Variants in PTPRS observed in about 807,000 individuals in gnomAD.
PTPRS encodes the protein receptor-type tyrosine-protein phosphatase S.
PTPRS carries 63 observed loss-of-function variants against 215.3 expected under a neutral mutation model. The ratio of observed to expected loss-of-function variants is 0.29; its 90% CI spans 0.24 to 0.36. PTPRS has a LOEUF of 0.36. Among genes scored for constraint, PTPRS ranks in the 10% least tolerant of loss-of-function variants. PTPRS has a pLI of 1.00. For synonymous variants in PTPRS, 1,404 were observed against 1,191.4 expected (o/e 1.18, Z -3.68); for missense variants, 2,258 against 2,825.8 (o/e 0.80, Z 4.56).
In PTPRS at chr19:5,339,740, G is replaced by A. The variant is rs1308553940; in HGVS notation, c.-95+924C>T. On this transcript the variant is annotated intron_variant, in intron 1 of 37. Coordinates refer to ENST00000262963, the MANE Select transcript of PTPRS (RefSeq NM_002850.4). The surrounding 1 kb of genome is among the most constrained non-coding windows in gnomAD (Gnocchi z 4.2). Reference sequence around the variant, plus strand: ...ACCCAGTGCCGACGGCCCCGCCCCCGGTATGACGTCACCTCCCCTCCCCCC... The same window carrying A: ...ACCCAGTGCCGACGGCCCCGCCCCCAGTATGACGTCACCTCCCCTCCCCCC... Among the ~76,000 whole-genome samples the A allele has an allele frequency of 6.6e-6, 1 of 151,768 alleles. No homozygotes were observed.
chr19:5,299,334 C>T (rs927966374), intron 1 of PTPRS, among the ~76,000 whole-genome samples: 8 of 152,244 alleles, frequency 5.3e-5, no homozygotes, highest in Non-Finnish European at 8.8e-5. Flanking sequence ...TCCTCCAGCA[C>T]CCCAAGTGCA....
At chr19:5,284,408 TAAATAAATAAAA>T in intron 2 of PTPRS, among the ~76,000 whole-genome samples, 1 of 132,586 alleles carries the variant, frequency 7.5e-6, no homozygotes, top group South Asian at 2.3e-4. Flanking sequence ...AATAAATAAA[TAAATAAATAAAA>T]ATTAGCCAGG....
chr19:5,285,452 G>A (rs185869870), intron 2 of PTPRS, among the ~76,000 whole-genome samples: 3 of 152,292 alleles, frequency 2.0e-5, no homozygotes, highest in East Asian at 1.9e-4. Context: ...AGGCCTTCCC[G>A]GGTGCTGTCA....
chr19:5,282,749 A>T (rs2047967279), intron 2 of PTPRS, among the ~76,000 whole-genome samples: 1 of 150,700 alleles, frequency 6.6e-6, no homozygotes, highest in Non-Finnish European at 1.5e-5. Context: ...CTGCAGTGGG[A>T]GCCGAGATCG....
rs974581966 is a variant in PTPRS, at chr19:5,260,561, G to C, written c.595+244C>G. On this transcript the variant is annotated intron_variant, in intron 7 of 37. Transcript: ENST00000262963. The stretch of plus-strand genomic sequence containing the variant: ...CTTGCCAGGTAGGGTCCTTCCCAGA[G>C]GGGGAGAGAGCGCCCCCGCCTTCCA... Among the ~76,000 whole-genome samples the C allele has an allele frequency of 2.6e-5, 4 of 152,236 alleles. No individual in the cohort carries two copies. In the South Asian group the frequency reaches 6.2e-4, roughly 24 times the overall value.
chr19:5,314,166 C>G (rs1293543435), intron 1 of PTPRS, among the ~76,000 whole-genome samples: 13 of 152,092 alleles, frequency 8.5e-5, no homozygotes, highest in Non-Finnish European at 1.5e-5. Flanking sequence ...ACAGCTTCAG[C>G]TGAGTTCAGT....
Position 5,214,445 on chromosome 19 carries a change from C to T in PTPRS, c.4530G>A (p.Thr1510=), listed in dbSNP as rs375341025. The change falls in exon 30 of 38, where the codon ACG becomes ACA. Residue 1510 remains threonine, a synonymous_variant. Coordinates refer to ENST00000262963, the MANE Select transcript of PTPRS (RefSeq NM_002850.4). ...KCDQYWPNRG[T]ETYGFIQVTL... ...TGACCTGGATGAAGCCGTAGGTCTC[C>T]GTGCCTCTGTTGGGCCAATACTGAT... 1.5e-5 allele frequency: 24 copies of T among 1,614,014 alleles called. No individual in the cohort carries two copies. The highest frequency in any genetic ancestry group is 6.7e-5 in the African/African-American group (5 of 74,946).
Position 5,221,168 on chromosome 19 carries a change from T to C in PTPRS, c.3287A>G (p.Asn1096Ser), listed in dbSNP as rs202061843. The C allele has an allele frequency of 9.3e-6, 15 of 1,613,552 alleles. No homozygotes were observed. Among genetic ancestry groups the C allele is most frequent in the Non-Finnish European group, 2.5e-6 (3 of 1,179,930 alleles). The change falls in exon 20 of 38, where the codon AAC becomes AGC. Residue 1096 changes from asparagine (N) to serine (S), a missense_variant. Asn to Ser is a conservative substitution (Grantham distance 46, BLOSUM62 1). Around this residue, in one of 6 missense-constraint regions of PTPRS, gnomAD observed 927 missense variants for 1,125.9 expected, o/e 0.82. Transcript: ENST00000262963. ...GCTGCCGCGATTGGTCAGCACAAAG[T>C]TGTAGAAGGTGTGGGGCTTGAGGTG... is the stretch of plus-strand genomic sequence containing the variant. Reference protein sequence around the residue: ...ITHLKPHTFYNFVLTNRGSSL... With the variant: ...ITHLKPHTFYSFVLTNRGSSL...
At chr19:5,262,069 T>C (rs1460992655) in intron 6 of PTPRS, among the ~76,000 whole-genome samples, 1 of 152,082 alleles carries the variant, frequency 6.6e-6, no homozygotes, top group Non-Finnish European at 1.5e-5. Context: ...GGTCAGGAGT[T>C]TGGGGTACCA....
chr19:5,220,816 A>T (rs2041915574), intron 20 of PTPRS, among the ~76,000 whole-genome samples, 184 bp downstream of exon 20: 1 of 152,180 alleles, frequency 6.6e-6, no homozygotes, highest in South Asian at 2.1e-4. Flanking sequence ...CAGACACAGG[A>T]CACATTTAGT....
chr19:5,212,280 G>C lies in PTPRS; in HGVS notation c.4770-30C>G, dbSNP rs202035346. The C allele has an allele frequency of 3.1e-6, 5 of 1,608,634 alleles. No individual in the cohort carries two copies. In the African/African-American group the frequency reaches 5.3e-5, roughly 17 times the overall value. On this transcript the variant is annotated intron_variant, in intron 31 of 37. Transcript: ENST00000262963. ...AGGGACAGCCACGTGGCGTTCAGGG[G>C]CTGCTGGGCTGCGGGGACCGGGGGG...
rs758182581 is a variant in PTPRS at position 5,208,088 on chromosome 19, AGGGGCAGGTGCT to A, written c.5643-43_5643-32del. On this transcript the variant is annotated intron_variant, in intron 36 of 37. Transcript: ENST00000262963. ...GGCAGTAAAGTGAGCACAGCCATTC[AGGGGCAGGTGCT>A]GGGGAGCCCTGATCTGACCACCCGA... The A allele has an allele frequency of 1.9e-6, 3 of 1,602,626 alleles. No homozygotes were observed. The South Asian group carries it at 3.3e-5, about 18-fold the overall frequency.
At chr19:5,247,441 C>T (rs998748083) in intron 9 of PTPRS, among the ~76,000 whole-genome samples, 4 of 152,004 alleles carry the variant, frequency 2.6e-5, no homozygotes, top group African/African-American at 4.8e-5. Flanking sequence ...TGCTGGCCCA[C>T]GGGGGCTGTT....
intron 9 of PTPRS, among the ~76,000 whole-genome samples, chr19:5,255,106 T>C (rs1244238349): frequency 6.6e-6 from 1 of 152,270 alleles, no homozygotes; most frequent in African/African-American, 2.4e-5. Context: ...AGTCTCATTC[T>C]GAGGTAGAAG....
chr19:5,307,851 T>C (rs1432419319), intron 1 of PTPRS, among the ~76,000 whole-genome samples: 3 of 152,250 alleles, frequency 2.0e-5, no homozygotes, highest in Non-Finnish European at 4.4e-5. Flanking sequence ...CGTTTGTTTT[T>C]ATAAATAAAG....
At position 5,206,752 on chromosome 19, in the gene PTPRS, G is replaced by A. The variant is rs775871392; in HGVS notation, c.*22C>T. On this transcript the variant is annotated 3_prime_UTR_variant, in exon 38 of 38. Transcript: ENST00000262963. The stretch of plus-strand genomic sequence containing the variant: ...AGAGGCATCCGGGGCCAGTGGTGTC[G>A]GGCCTGGGGGGAACCATGGCTTTAG... The A allele has an allele frequency of 1.3e-5, 21 of 1,610,432 alleles. No homozygotes were observed. Among genetic ancestry groups the A allele is most frequent in the Middle Eastern group, 1.6e-4 (1 of 6,066 alleles).
chr19:5,336,491 C>T (rs4807722), intron 1 of PTPRS, among the ~76,000 whole-genome samples: 33,490 of 151,866 alleles, frequency 0.22, 3,927 homozygotes, highest in Admixed American at 0.32. Context: ...ATTTGAGCCT[C>T]AATCCCCTTC....
At chr19:5,211,464 T>C in intron 33 of PTPRS, 126 bp downstream of exon 33, 2 of 902,296 alleles carry the variant, frequency 2.2e-6, no homozygotes, top group Non-Finnish European at 3.2e-6. Flanking sequence ...CATCTAAAGA[T>C]GTGTATTTAA....
intron 9 of PTPRS, among the ~76,000 whole-genome samples, chr19:5,250,786 A>G (rs2044952364): frequency 6.7e-6 from 1 of 149,858 alleles, no homozygotes; most frequent in African/African-American, 2.4e-5. Flanking sequence ...AGGCAGAAAC[A>G]CAAAAACCAA....
Sources: gnomAD v4.1 joint callset for allele counts (sites outside exome capture counted in the v4.1 genomes callset) on GRCh38, gnomAD v4.1.1 for gene constraint, gnomAD v4.1.1 regional missense constraint, Gnocchi (gnomAD v3.1) non-coding constraint, MANE v1.5 for transcripts, NCBI Gene and HGNC (gene_info 2026-07-23, HGNC 2026-07-21) for gene names.